Variants in VPS37B observed in about 807,000 individuals in gnomAD.
VPS37B encodes the protein VPS37B subunit of ESCRT-I.
In VPS37B, 11 loss-of-function variants were observed where a neutral mutation model predicts 21.2. The observed-to-expected ratio is 0.52, with a 90% confidence interval of 0.33 to 0.86. The LOEUF (loss-of-function observed/expected upper bound fraction) is 0.86. VPS37B is among the 40% of genes least tolerant of loss of function. The probability of loss-of-function intolerance (pLI) is 0.03; values close to 1 mark genes in which losing one functional copy is unlikely to be tolerated. For synonymous variants in VPS37B, 175 were observed against 159.6 expected, an observed-to-expected ratio of 1.10 and a Z score of -0.73; for missense variants, 389 against 374.8, an observed-to-expected ratio of 1.04 and a Z score of -0.31.
rs961569918 is a variant in VPS37B at position 122,865,741 on chromosome 12, C to T, written c.*1375G>A. On this transcript the variant is annotated 3_prime_UTR_variant, in exon 4 of 4. Coordinates refer to ENST00000267202, the MANE Select transcript of VPS37B (RefSeq NM_024667.3). ...GCCTTCTGTCACCCTGGCGGCTAGG[C>T]ACAGGTCGGGGCCCTGGATGCCCGA... is the stretch of plus-strand genomic sequence containing the variant. 2 of 152,316 alleles carry T rather than the reference C, an allele frequency of 1.3e-5. No individual in the cohort carries two copies. Among genetic ancestry groups the T allele is most frequent in the Non-Finnish European group, 2.9e-5 (2 of 68,092 alleles). 9.4% of individuals were successfully genotyped at this position (152,316 alleles called of 1,614,324 possible).
chr12:122,870,892 A>G lies in VPS37B; in HGVS notation c.281T>C (p.Leu94Ser). 1 of 1,611,666 alleles carries G rather than the reference A, an allele frequency of 6.2e-7. No individual in the cohort carries two copies. Among genetic ancestry groups the G allele is most frequent in the Non-Finnish European group, 8.5e-7 (1 of 1,179,118 alleles). ...AATGATCACCCTTAAAAAGTTACCT[A>G]ATTTGGTCTTCTTTATCTGATAGGC... ...FEAYQIKKTK[L>S]DRQSSSASLE... The change falls in exon 2 of 4, where the codon TTA becomes TCA. Residue 94 changes from leucine to serine, a missense_variant and splice_region_variant. By Grantham distance (145) the Leu-to-Ser change is moderately radical. Transcript: ENST00000267202.
chr12:122,879,391 G>A (rs1370448077), intron 1 of VPS37B: 3 of 152,362 alleles, frequency 2.0e-5, no homozygotes, highest in Non-Finnish European at 2.9e-5. Context: ...AAAAGGGACA[G>A]CGGAGATGGG....
At chr12:122,883,292 T>TC (rs1210407859) in intron 1 of VPS37B, 2 of 152,154 alleles carry the variant, frequency 1.3e-5, no homozygotes, top group African/African-American at 4.8e-5. Context: ...AACGATCCCC[T>TC]CCATATGTAG....
intron 1 of VPS37B, chr12:122,884,210 G>A (rs928141493): frequency 2.0e-5 from 3 of 152,182 alleles, no homozygotes; most frequent in African/African-American, 4.8e-5. Context: ...TAAGGTAAAG[G>A]TCTTTTCTTA....
chr12:122,876,673 C>T (rs2034155181), intron 1 of VPS37B: 1 of 151,854 alleles, frequency 6.6e-6, no homozygotes, highest in African/African-American at 2.4e-5. Context: ...GATTGTACCA[C>T]TGCACTTCAG....
At position 122,867,618 on chromosome 12, in the gene VPS37B, C is replaced by G; in HGVS notation, c.367-11G>C. On this transcript the variant is annotated splice_polypyrimidine_tract_variant and intron_variant, in intron 3 of 3. Transcript: ENST00000267202. This position sits in a 1 kb window ranked among gnomAD's most constrained non-coding sequence, Gnocchi z 5.5. ...CTTCTCTGCCATGTTCTGAAAGAGGCAGAAACCTGGTTACAGGGACAGCCA... is the reference window on the plus strand; with the variant it reads ...CTTCTCTGCCATGTTCTGAAAGAGGGAGAAACCTGGTTACAGGGACAGCCA... 6.2e-7 allele frequency: 1 copy of G among 1,611,426 alleles called. No individual in the cohort carries two copies. The highest frequency in any genetic ancestry group is 8.5e-7 in the Non-Finnish European group (1 of 1,179,948).
chr12:122,868,463 A>G lies in VPS37B; in HGVS notation c.366+17T>C. The stretch of plus-strand genomic sequence containing the variant: ...CCAAAGCGCCCCAAGGATTCCACCA[A>G]GGCTGGTGGGCTTTACCTCAGTGTC... On this transcript the variant is annotated intron_variant, in intron 3 of 3. Transcript: ENST00000267202. The surrounding 1 kb of genome is among the most constrained non-coding windows in gnomAD (Gnocchi z 5.5). The G allele has an allele frequency of 1.2e-6, 2 of 1,610,240 alleles. No individual in the cohort carries two copies. The highest frequency in any genetic ancestry group is 2.2e-5 in the South Asian group (2 of 90,426).
rs1174749522 is a variant in VPS37B, at chr12:122,896,049, C to T, written c.14G>A (p.Gly5Glu). The change falls in exon 1 of 4, where the codon GGG (glycine) becomes GAG (glutamate). Residue 5 changes from glycine (G) to glutamate (E), a missense_variant. Transcript: ENST00000267202. MAGA[G>E]SEARFAGLSL... ...CAGCCCGGCGAACCGGGCTTCGCTCCCGGCGCCCGCCATCCCCACGTCTCG... is the reference window on the plus strand; with the variant it reads ...CAGCCCGGCGAACCGGGCTTCGCTCTCGGCGCCCGCCATCCCCACGTCTCG... 5.7e-6 allele frequency: 9 copies of T among 1,582,702 alleles called. No homozygotes were observed. The highest frequency in any genetic ancestry group is 7.7e-6 in the Non-Finnish European group (9 of 1,170,294).
intron 1 of VPS37B, chr12:122,875,716 G>A (rs2034135980): frequency 6.6e-6 from 1 of 152,208 alleles, no homozygotes; most frequent in South Asian, 2.1e-4. Context: ...AGGCCCAGAT[G>A]GCAGCCACTC....
chr12:122,883,902 G>C (rs1489359159), intron 1 of VPS37B: 1 of 152,222 alleles, frequency 6.6e-6, no homozygotes, highest in Non-Finnish European at 1.5e-5. Flanking sequence ...TCTGATAACT[G>C]GCATATGTTA....
At chr12:122,870,848 T>TGAA in intron 2 of VPS37B, 42 bp downstream of exon 2, 1 of 1,579,538 alleles carries the variant, frequency 6.3e-7, no homozygotes, top group Non-Finnish European at 8.6e-7. Flanking sequence ...TGTGTCCTTC[T>TGAA]CTCAACTCTT....
chr12:122,867,267 G>A lies in VPS37B; in HGVS notation c.707C>T (p.Pro236Leu), dbSNP rs756622487. 6.4e-7 allele frequency: 1 copy of A among 1,572,136 alleles called. No individual in the cohort carries two copies. The highest frequency in any genetic ancestry group is 1.2e-5 in the South Asian group (1 of 84,112). Residue 236 changes from proline (P) to leucine (L), a missense_variant, in exon 4 of 4, where the codon CCA (proline) becomes CTA (leucine). Transcript: ENST00000267202. The surrounding 1 kb of genome is among the most constrained non-coding windows in gnomAD (Gnocchi z 5.5). ...AMSSGQAVPY[P>L]GLQCPPLPPR... ...GGGCAGGGGCGGGCACTGTAATCCTGGGTACGGCACGGCCTGTCCCGAACT... is the reference window on the plus strand; with the variant it reads ...GGGCAGGGGCGGGCACTGTAATCCTAGGTACGGCACGGCCTGTCCCGAACT...
chr12:122,893,710 G>A (rs200834199), intron 1 of VPS37B, among the ~76,000 whole-genome samples: 2 of 132,550 alleles, frequency 1.5e-5, no homozygotes, highest in Non-Finnish European at 3.0e-5. Flanking sequence ...ACTACACCCA[G>A]AAAAGCAAAC....
rs1426331143 is a variant in VPS37B, at chr12:122,868,951, C to A, written c.284-389G>T. ...ACACAGAACCTTTCCACCGGGCGCC[C>A]TCACGCCCACTGCACCCGCCAGATA... On this transcript the variant is annotated intron_variant, in intron 2 of 3. Coordinates refer to ENST00000267202, the MANE Select transcript of VPS37B (RefSeq NM_024667.3). The surrounding 1 kb of genome is among the most constrained non-coding windows in gnomAD (Gnocchi z 5.5). 6.6e-6 allele frequency among the ~76,000 whole-genome samples: 1 copy of A among 152,176 alleles called. No homozygotes were observed. Among genetic ancestry groups the A allele is most frequent in the Non-Finnish European group, 1.5e-5 (1 of 68,026 alleles).
intron 1 of VPS37B, chr12:122,873,789 A>G (rs1047903204): frequency 1.3e-5 from 2 of 152,220 alleles, no homozygotes; most frequent in African/African-American, 4.8e-5. Context: ...TGTTGTCTCA[A>G]TCACTGTCTG....
chr12:122,871,866 C>A (rs1442591823), intron 1 of VPS37B: 4 of 985,176 alleles, frequency 4.1e-6, no homozygotes, highest in Non-Finnish European at 4.8e-6. Flanking sequence ...AAAACACAAA[C>A]GCGTGGGTAC....
At chr12:122,878,886 A>T (rs566076385) in intron 1 of VPS37B, 2 of 152,312 alleles carry the variant, frequency 1.3e-5, no homozygotes, top group East Asian at 3.9e-4. Context: ...TCCTGGCCTC[A>T]AGTGATCTGC....
chr12:122,883,456 G>A (rs1041039234), intron 1 of VPS37B: 2 of 152,106 alleles, frequency 1.3e-5, no homozygotes, highest in East Asian at 1.9e-4. Flanking sequence ...ACCAGGAGAG[G>A]GTTTGGTTTT....
At chr12:122,871,704 G>T (rs1326473988) in intron 1 of VPS37B, 3 of 985,204 alleles carry the variant, frequency 3.0e-6, no homozygotes, top group Non-Finnish European at 3.6e-6. Context: ...GCCCATCAGG[G>T]ATTTCATTTT....
Sources: gnomAD v4.1 joint callset for allele counts (sites outside exome capture counted in the v4.1 genomes callset) on GRCh38, gnomAD v4.1.1 for gene constraint, Gnocchi (gnomAD v3.1) non-coding constraint, MANE v1.5 for transcripts, NCBI Gene and HGNC (gene_info 2026-07-23, HGNC 2026-07-21) for gene names.